Variants in DTNBP1 observed in about 807,000 individuals in gnomAD.
DTNBP1 encodes the protein dysbindin.
A neutral mutation model predicts 42.8 loss-of-function variants in DTNBP1; 35 were observed. That is an observed-to-expected ratio of 0.82 (90% CI 0.63 to 1.09). The LOEUF (loss-of-function observed/expected upper bound fraction) is 1.09, where lower values mean the gene tolerates loss of function less well. Among genes scored for constraint, DTNBP1 ranks in the 50% least tolerant of loss-of-function variants. The pLI is 0.00. For synonymous variants in DTNBP1, 171 were observed against 162.2 expected (o/e 1.05, Z -0.41); for missense variants, 457 against 424.2 (o/e 1.08, Z -0.68).
intron 7 of DTNBP1, among the ~76,000 whole-genome samples, chr6:15,592,826 C>T (rs1776352621): frequency 6.6e-6 from 1 of 152,176 alleles, no homozygotes; most frequent in South Asian, 2.1e-4. Context: ...AGCACTGCAC[C>T]TTCCTAACAC....
Position 15,532,627 on chromosome 6 carries a change from G to C in DTNBP1, c.667+613C>G, listed in dbSNP as rs994896697. The stretch of plus-strand genomic sequence containing the variant: ...GGACTATTCTGTACTGGAGAATTAA[G>C]GGCTATTTTTCTTTTTTTCCATTTT... On this transcript the variant is annotated intron_variant, in intron 8 of 9. Transcript: ENST00000344537. Among the ~76,000 whole-genome samples, 5 of 151,276 alleles carry C rather than the reference G, an allele frequency of 3.3e-5. 1 individual carries two copies. Among genetic ancestry groups the C allele is most frequent in the African/African-American group, 1.2e-4 (5 of 41,012 alleles).
At chr6:15,552,716 A>G (rs755666570) in intron 7 of DTNBP1, among the ~76,000 whole-genome samples, 19 of 152,240 alleles carry the variant, frequency 1.2e-4, no homozygotes, top group Non-Finnish European at 2.4e-4. Flanking sequence ...ACATTCCTAA[A>G]ATAAGACCCA....
chr6:15,546,046 G>C (rs1773852815), intron 7 of DTNBP1: 1 of 446,810 alleles, frequency 2.2e-6, no homozygotes, highest in Non-Finnish European at 4.5e-6. Context: ...ATATGGATCG[G>C]AAGGTCACCT....
intron 7 of DTNBP1, among the ~76,000 whole-genome samples, chr6:15,535,204 T>C (rs1773140390): frequency 1.3e-5 from 2 of 152,088 alleles, no homozygotes; most frequent in African/African-American, 4.8e-5. Context: ...ATGCTCATAC[T>C]CTCCACCTTG....
At chr6:15,588,614 C>T (rs1019567986) in intron 7 of DTNBP1, among the ~76,000 whole-genome samples, 6 of 152,232 alleles carry the variant, frequency 3.9e-5, no homozygotes, top group Admixed American at 3.9e-4. Flanking sequence ...GTCCAAGTTC[C>T]TGTGTATGGC....
At chr6:15,606,249 C>T (rs1339567034) in intron 6 of DTNBP1, among the ~76,000 whole-genome samples, 1 of 152,216 alleles carries the variant, frequency 6.6e-6, no homozygotes, top group Non-Finnish European at 1.5e-5. Flanking sequence ...GGGTCACAGT[C>T]CTGTTTTTGT....
chr6:15,592,978 G>C, intron 7 of DTNBP1, 81 bp downstream of exon 7: 1 of 1,326,916 alleles, frequency 7.5e-7, no homozygotes, highest in Non-Finnish European at 1.0e-6. Flanking sequence ...TAAAAAATGA[G>C]TTTGTTCATC....
chr6:15,524,614 C>G lies in DTNBP1; in HGVS notation c.723G>C (p.Met241Ile). The G allele has an allele frequency of 6.2e-7, 1 of 1,613,938 alleles. No individual in the cohort carries two copies. Among genetic ancestry groups the G allele is most frequent in the Non-Finnish European group, 8.5e-7 (1 of 1,179,958 alleles). Residue 241 changes from methionine to isoleucine, a missense_variant, in exon 9 of 10, where the codon ATG (methionine) becomes ATC (isoleucine). By Grantham distance (10) the Met-to-Ile change is conservative. Transcript: ENST00000344537. ...CCTGGTCCGATATGTCCATCAGGTC[C>G]ATCTGCTCCAGCATGTCCACGTTCA... ...MEVNVDMLEQ[M>I]DLMDISDQEA...
intron 7 of DTNBP1, among the ~76,000 whole-genome samples, chr6:15,544,294 C>T (rs567472132): frequency 1.1e-4 from 16 of 152,238 alleles, no homozygotes; most frequent in African/African-American, 2.2e-4. Flanking sequence ...TATGGATGTA[C>T]CACAGTTTGT....
intron 7 of DTNBP1, among the ~76,000 whole-genome samples, chr6:15,555,332 C>T (rs990563669): frequency 1.2e-4 from 19 of 152,064 alleles, no homozygotes; most frequent in African/African-American, 4.6e-4. Context: ...GCAACTCCGT[C>T]TTGAATAGAG....
chr6:15,655,756 T>C lies in DTNBP1; in HGVS notation c.57-3616A>G, dbSNP rs1206800219. On this transcript the variant is annotated intron_variant, in intron 1 of 9. Transcript: ENST00000344537. The stretch of plus-strand genomic sequence containing the variant: ...ACTATTATTCTTAAGATGAAAAATA[T>C]AAAAGATCAGATATACTTAAGAAAG... 5.3e-5 allele frequency among the ~76,000 whole-genome samples: 8 copies of C among 151,566 alleles called. 1 individual carries two copies. The South Asian group carries it at 1.4e-3, about 27-fold the overall frequency.
chr6:15,659,119 T>C (rs1023957569), intron 1 of DTNBP1, among the ~76,000 whole-genome samples: 3 of 152,244 alleles, frequency 2.0e-5, no homozygotes, highest in African/African-American at 7.2e-5. Context: ...AAAGTTTGAA[T>C]GGAATGTAGA....
At chr6:15,555,223 A>C (rs1774444302) in intron 7 of DTNBP1, among the ~76,000 whole-genome samples, 1 of 150,800 alleles carries the variant, frequency 6.6e-6, no homozygotes, top group African/African-American at 2.5e-5. Context: ...CTTTGCTGGA[A>C]TCTCTTAATG....
chr6:15,542,275 AT>A (rs1173056075), intron 7 of DTNBP1, among the ~76,000 whole-genome samples: 7 of 152,250 alleles, frequency 4.6e-5, no homozygotes, highest in Non-Finnish European at 1.0e-4. Context: ...GATAAAAACA[AT>A]TGCCAACAGT....
At chr6:15,597,690 T>A (rs1398838141) in intron 6 of DTNBP1, among the ~76,000 whole-genome samples, 1 of 152,192 alleles carries the variant, frequency 6.6e-6, no homozygotes, top group African/African-American at 2.4e-5. Context: ...TCTCTACAGT[T>A]CCTGAAGTGC....
rs553638959 is a variant in DTNBP1, at chr6:15,525,518, T to A, written c.668-849A>T. On this transcript the variant is annotated intron_variant, in intron 8 of 9. Coordinates refer to ENST00000344537, the MANE Select transcript of DTNBP1 (RefSeq NM_032122.5). Reference sequence around the variant, plus strand: ...GAGTGAAGGGCAGCAGAAACAAACATCATCCTCGCTGAAGAATATGAGATG... The same window carrying A: ...GAGTGAAGGGCAGCAGAAACAAACAACATCCTCGCTGAAGAATATGAGATG... Among the ~76,000 whole-genome samples the A allele has an allele frequency of 1.5e-3, 234 of 152,302 alleles. 2 individuals carry two copies. The Middle Eastern group carries it at 0.02, about 13-fold the overall frequency.
chr6:15,558,669 T>C (rs967279716), intron 7 of DTNBP1, among the ~76,000 whole-genome samples: 3 of 152,194 alleles, frequency 2.0e-5, no homozygotes, highest in African/African-American at 7.2e-5. Flanking sequence ...AATGTATTCA[T>C]AAATATTGAG....
At chr6:15,623,518 C>T (rs1759161816) in intron 5 of DTNBP1, among the ~76,000 whole-genome samples, 1 of 152,054 alleles carries the variant, frequency 6.6e-6, no homozygotes, top group Non-Finnish European at 1.5e-5. Flanking sequence ...CATCACCATG[C>T]TACAGCCTGA....
intron 3 of DTNBP1, among the ~76,000 whole-genome samples, chr6:15,650,980 A>C (rs1760960771): frequency 6.6e-6 from 1 of 152,344 alleles, no homozygotes; most frequent in Non-Finnish European, 1.5e-5. Flanking sequence ...ATGGATTGGA[A>C]AAGAAATGAC....
Sources: allele counts gnomAD v4.1 joint callset (sites outside exome capture counted in the v4.1 genomes callset), GRCh38; gene constraint gnomAD v4.1.1; transcripts MANE v1.5; gene names NCBI Gene and HGNC (gene_info 2026-07-23, HGNC 2026-07-21).